ANKRD62: variants seen among roughly 807,000 people sequenced by gnomAD.
ANKRD62 encodes the protein ankyrin repeat domain-containing protein 62.
Under a neutral mutation model 98.8 loss-of-function variants are expected in ANKRD62, and 61 were observed. That is an observed-to-expected ratio of 0.62 (90% CI 0.50 to 0.76). The LOEUF (loss-of-function observed/expected upper bound fraction) is 0.76, where lower values mean the gene tolerates loss of function less well. Among genes scored for constraint, ANKRD62 ranks in the 30% least tolerant of loss-of-function variants. ANKRD62 has a pLI of 0.00. For missense variants in ANKRD62, 933 were observed against 1,082.9 expected (o/e 0.86, Z 1.94); for synonymous variants, 341 against 367.9 (o/e 0.93, Z 0.84).
the ANKRD62 span, among the ~76,000 whole-genome samples, chr18:12,145,217 C>A: frequency 6.6e-6 from 1 of 152,214 alleles, no homozygotes; most frequent in East Asian, 1.9e-4. Context: ...ATGGCTAAGT[C>A]ACCCAAGTGG....
intron 5 of ANKRD62, among the ~76,000 whole-genome samples, chr18:12,099,044 T>C (rs960022735): frequency 6.6e-6 from 1 of 152,230 alleles, no homozygotes; most frequent in African/African-American, 2.4e-5. Context: ...ATGTCCTGAA[T>C]CATAAGCTAC....
rs912547416 is a variant in ANKRD62 at position 12,122,533 on chromosome 18, T to G, written c.1454+17T>G. ...TAATTTGAGGTATCACATTCTAGTT[T>G]TAAAGAAATATTTCAACTATTTATA... On this transcript the variant is annotated intron_variant, in intron 11 of 13. Transcript: ENST00000587848. The G allele has an allele frequency of 2.7e-6, 4 of 1,495,568 alleles. No individual in the cohort carries two copies. In the African/African-American group the frequency reaches 5.7e-5, roughly 21 times the overall value. The allele number at this position is 1,495,568 out of a possible 1,614,324, so 92.6% of individuals were successfully genotyped here. A position where few individuals can be genotyped will look rare whatever the true frequency, so the allele number is the denominator to read the frequency against.
At chr18:12,145,197 A>G in the ANKRD62 span, among the ~76,000 whole-genome samples, 1 of 152,136 alleles carries the variant, frequency 6.6e-6, no homozygotes, top group Non-Finnish European at 1.5e-5. Context: ...TCTGAAGGCC[A>G]AAGGCTGGAA....
the ANKRD62 span, among the ~76,000 whole-genome samples, chr18:12,164,539 G>T: frequency 1.3e-5 from 2 of 151,604 alleles, no homozygotes; most frequent in Non-Finnish European, 3.0e-5. Flanking sequence ...AATTTGGTTT[G>T]CTCTGGATTT....
the ANKRD62 span, among the ~76,000 whole-genome samples, chr18:12,141,373 A>C: frequency 6.6e-6 from 1 of 152,162 alleles, no homozygotes; most frequent in Non-Finnish European, 1.5e-5. Flanking sequence ...GCACTACCCC[A>C]TGAGATGAAC....
At chr18:12,167,879 C>T in the ANKRD62 span, among the ~76,000 whole-genome samples, 2 of 152,142 alleles carry the variant, frequency 1.3e-5, no homozygotes, top group African/African-American at 4.8e-5. Context: ...CTCTGATGGC[C>T]AGTCATGATG....
chr18:12,181,413 T>C, the ANKRD62 span, among the ~76,000 whole-genome samples: 1 of 152,216 alleles, frequency 6.6e-6, no homozygotes, highest in Non-Finnish European at 1.5e-5. Flanking sequence ...AAACTTTAAA[T>C]GACTTATTGC....
chr18:12,100,112 C>A (rs1400708726), intron 6 of ANKRD62, among the ~76,000 whole-genome samples: 1 of 151,990 alleles, frequency 6.6e-6, no homozygotes, highest in African/African-American at 2.4e-5. Context: ...GGGTACCAGT[C>A]CCCCATTCAG....
chr18:12,136,476 C>A, the ANKRD62 span, among the ~76,000 whole-genome samples: 3 of 152,124 alleles, frequency 2.0e-5, no homozygotes, highest in Non-Finnish European at 4.4e-5. Context: ...GTCAGGTGGC[C>A]TGATGCCTCC....
intron 11 of ANKRD62, among the ~76,000 whole-genome samples, chr18:12,123,884 T>G (rs1909832336): frequency 6.6e-6 from 1 of 152,224 alleles, no homozygotes; most frequent in African/African-American, 2.4e-5. Context: ...TAACTTTAGC[T>G]AACAATTTTC....
At position 12,122,443 on chromosome 18, in the gene ANKRD62, T is replaced by A. The variant is rs1909801251; in HGVS notation, c.1381T>A (p.Ser461Thr). The change falls in exon 11 of 14, where the codon TCT (serine) becomes ACT (threonine). Residue 461 changes from serine (S) to threonine (T), a missense_variant. Transcript: ENST00000587848. The part of the protein sequence containing the change: ...NNISVLQKVL[S>T]ETDKTKSQSE... ...TATTAGCGTACTACAAAAGGTACTA[T>A]CTGAAACAGACAAAACCAAATCACA... The A allele has an allele frequency of 1.3e-6, 2 of 1,535,532 alleles. No homozygotes were observed. The highest frequency in any genetic ancestry group is 1.7e-6 in the Non-Finnish European group (2 of 1,146,684).
chr18:12,168,040 T>C, the ANKRD62 span, among the ~76,000 whole-genome samples: 1 of 152,222 alleles, frequency 6.6e-6, no homozygotes, highest in African/African-American at 2.4e-5. Context: ...ATTAGCCCTT[T>C]GTCCAATGGG....
At chr18:12,103,115 T>C in intron 6 of ANKRD62, 43 bp from the exon 7 acceptor site, 1 of 1,265,476 alleles carries the variant, frequency 7.9e-7, no homozygotes, top group Admixed American at 3.3e-5. Context: ...ATCTAATTGT[T>C]CTAAGTAGTT....
chr18:12,113,736 A>T (rs1598734816), intron 8 of ANKRD62, among the ~76,000 whole-genome samples: 1 of 152,250 alleles, frequency 6.6e-6, no homozygotes, highest in Non-Finnish European at 1.5e-5. Context: ...TGTGGAAAAC[A>T]GTGTGGCATT....
chr18:12,097,657 C>G lies in ANKRD62; in HGVS notation c.632C>G (p.Ala211Gly). 2.6e-6 allele frequency: 4 copies of G among 1,534,938 alleles called. No individual in the cohort carries two copies. Among genetic ancestry groups the G allele is most frequent in the Non-Finnish European group, 3.5e-6 (4 of 1,146,332 alleles). ...TATTTTAGAACAGCCCTGATACTTG[C>G]TGCTCGTAATGGATCAACAAGTGTA... Reference protein sequence around the residue: ...DNFGRTALILAARNGSTSVVY... With the variant: ...DNFGRTALILGARNGSTSVVY... Residue 211 changes from alanine to glycine, a missense_variant, in exon 5 of 14, where the codon GCT (alanine) becomes GGT (glycine). Transcript: ENST00000587848.
chr18:12,150,435 T>C, the ANKRD62 span, among the ~76,000 whole-genome samples: 2 of 152,016 alleles, frequency 1.3e-5, no homozygotes, highest in Non-Finnish European at 2.9e-5. Flanking sequence ...TCAAACAAAT[T>C]CAGGAAATAC....
chr18:12,150,472 C>T, the ANKRD62 span, among the ~76,000 whole-genome samples: 1 of 152,178 alleles, frequency 6.6e-6, no homozygotes, highest in Non-Finnish European at 1.5e-5. Context: ...ATTTTACACA[C>T]GAATACCATC....
chr18:12,144,972 G>A, the ANKRD62 span, among the ~76,000 whole-genome samples: 16 of 148,408 alleles, frequency 1.1e-4, no homozygotes, highest in East Asian at 2.0e-4. Context: ...GTGAGAACCC[G>A]TCTCTACTAA....
chr18:12,131,378 A>ATAT (rs1267309397), downstream of ANKRD62, among the ~76,000 whole-genome samples: 2 of 152,230 alleles, frequency 1.3e-5, no homozygotes, highest in African/African-American at 4.8e-5. Context: ...TGGTTAACAA[A>ATAT]TACCACATTA....
Sources: allele counts gnomAD v4.1 joint callset (sites outside exome capture counted in the v4.1 genomes callset), GRCh38; gene constraint gnomAD v4.1.1; transcripts MANE v1.5; gene names NCBI Gene and HGNC (gene_info 2026-07-23, HGNC 2026-07-21).